Variants in SCAP observed in about 807,000 individuals in gnomAD.
SCAP encodes the protein SREBF chaperone.
SCAP carries 65 observed loss-of-function variants against 123.6 expected under a neutral mutation model. The observed-to-expected ratio is 0.53, with a 90% confidence interval of 0.43 to 0.65. The LOEUF is 0.65. Ranked by LOEUF, SCAP falls within the 30% of genes least tolerant of loss-of-function variation. The pLI, the probability that SCAP is intolerant of heterozygous loss-of-function variation, is 0.00. For missense variants in SCAP, 1,398 were observed against 1,712.5 expected, an observed-to-expected ratio of 0.82 and a Z score of 3.24; for synonymous variants, 740 against 726.3, an observed-to-expected ratio of 1.02 and a Z score of -0.30.
At position 47,420,698 on chromosome 3, in the gene SCAP, G is replaced by A. The variant is rs1380351099; in HGVS notation, c.1419C>T (p.Arg473=). The A allele has an allele frequency of 5.6e-6, 9 of 1,611,806 alleles. No individual in the cohort carries two copies. Among genetic ancestry groups the A allele is most frequent in the Non-Finnish European group, 6.8e-6 (8 of 1,179,960 alleles). ...PSAKPVGQPT[R]YERQLAVRPS... is the part of the protein sequence containing the mutation. Reference sequence around the variant, plus strand: ...GCCTCACAGCCAGCTGCCGCTCGTAGCGCGTTGGCTGTCCCACTGGCTTGG... The same window carrying A: ...GCCTCACAGCCAGCTGCCGCTCGTAACGCGTTGGCTGTCCCACTGGCTTGG... Residue 473 remains arginine (R), a synonymous_variant, in exon 12 of 23, where the codon CGC becomes CGT. Coordinates refer to ENST00000265565, the MANE Select transcript of SCAP (RefSeq NM_012235.4). The surrounding 1 kb of genome is among the most constrained non-coding windows in gnomAD (Gnocchi z 5.0).
At chr3:47,467,929 C>G (rs1707891814) in intron 1 of SCAP, among the ~76,000 whole-genome samples, 1 of 144,466 alleles carries the variant, frequency 6.9e-6, no homozygotes, top group African/African-American at 2.5e-5. Context: ...TCCAGGTGTT[C>G]TCATTGTTCA....
chr3:47,464,094 C>A (rs892833862), intron 1 of SCAP, among the ~76,000 whole-genome samples: 2 of 152,150 alleles, frequency 1.3e-5, no homozygotes, highest in Non-Finnish European at 2.9e-5. Context: ...CAGCTCACTG[C>A]AACCTCCGCC....
intron 1 of SCAP, among the ~76,000 whole-genome samples, chr3:47,472,138 T>C (rs542031291): frequency 2.7e-5 from 4 of 146,268 alleles, no homozygotes; most frequent in African/African-American, 1.0e-4. Flanking sequence ...AAAATAATAA[T>C]AATAATTAAA....
Position 47,463,902 on chromosome 3 carries a change from A to G in SCAP, c.-99+11897T>C, listed in dbSNP as rs6765597. On this transcript the variant is annotated intron_variant, in intron 1 of 22. Transcript: ENST00000265565. ...CACCCAGGCTGGATACAGTTGTACA[A>G]TCGTGGCTCACTGCGGTCTCAACCT... 3.9e-3 allele frequency among the ~76,000 whole-genome samples: 594 copies of G among 152,062 alleles called. 6 individuals are homozygous for G. Among genetic ancestry groups the G allele is most frequent in the African/African-American group, 0.014 (575 of 41,490 alleles).
upstream of SCAP, chr3:47,477,048 C>G (rs115332909): frequency 1.3e-5 from 2 of 152,322 alleles, no homozygotes; most frequent in African/African-American, 4.8e-5. Context: ...TAGAGGTGGC[C>G]CTTCTGACCG....
intron 1 of SCAP, among the ~76,000 whole-genome samples, chr3:47,452,500 G>A (rs1055228939): frequency 2.0e-5 from 3 of 152,196 alleles, no homozygotes; most frequent in African/African-American, 7.2e-5. Context: ...GGAAGAAAGA[G>A]AGCTAATAAT....
upstream of SCAP, chr3:47,475,960 T>G (rs1401761764): frequency 6.6e-6 from 1 of 152,354 alleles, no homozygotes. Context: ...ACCTCTCACC[T>G]CCTACCTTTA....
chr3:47,476,703 G>A (rs975083206), upstream of SCAP, among the ~76,000 whole-genome samples: 1 of 152,168 alleles, frequency 6.6e-6, no homozygotes, highest in African/African-American at 2.4e-5. Context: ...AAAATCCGAG[G>A]TAGGTCTTGT....
rs1245505802 is a variant in SCAP, at chr3:47,435,174, A to C, written c.123-37T>G. On this transcript the variant is annotated intron_variant, in intron 2 of 22. Coordinates refer to ENST00000265565, the MANE Select transcript of SCAP (RefSeq NM_012235.4). ...AAAAAGGAGATAAGAATTAGACACT[A>C]TGAGAGGCAGTCCTCTCTCAGCACT... 1.9e-6 allele frequency: 3 copies of C among 1,585,450 alleles called. No homozygotes were observed. The African/African-American group carries it at 4.0e-5, about 21-fold the overall frequency.
At chr3:47,461,491 G>A (rs1022976713) in intron 1 of SCAP, among the ~76,000 whole-genome samples, 8 of 152,144 alleles carry the variant, frequency 5.3e-5, no homozygotes, top group African/African-American at 1.9e-4. Context: ...TTGCCTTCCA[G>A]ACATTTATAG....
At chr3:47,440,030 G>A (rs1328160081) in intron 2 of SCAP, among the ~76,000 whole-genome samples, 1 of 152,178 alleles carries the variant, frequency 6.6e-6, no homozygotes, top group Non-Finnish European at 1.5e-5. Flanking sequence ...CCCCAGTACT[G>A]CTCTGTACTT....
chr3:47,418,017 G>T, intron 16 of SCAP, 117 bp downstream of exon 16: 2 of 640,536 alleles, frequency 3.1e-6, no homozygotes, highest in Non-Finnish European at 5.4e-6. Context: ...GGGGAGAGGG[G>T]GCCTGGAGGG....
chr3:47,434,377 C>G (rs1706485671), intron 3 of SCAP, among the ~76,000 whole-genome samples: 1 of 152,216 alleles, frequency 6.6e-6, no homozygotes, highest in Non-Finnish European at 1.5e-5. Flanking sequence ...CTTCAATGAG[C>G]TCCAAATAAT....
chr3:47,434,226 G>C (rs1036213498), intron 3 of SCAP, among the ~76,000 whole-genome samples: 2 of 152,182 alleles, frequency 1.3e-5, no homozygotes, highest in Non-Finnish European at 1.5e-5. Context: ...GGGGAGGAGA[G>C]CTCTGTTCGC....
intron 1 of SCAP, among the ~76,000 whole-genome samples, chr3:47,447,581 G>A (rs1204572600): frequency 6.6e-6 from 1 of 151,836 alleles, no homozygotes; most frequent in Non-Finnish European, 1.5e-5. Flanking sequence ...CCAGCTACTT[G>A]GGAGGCGGAG....
chr3:47,420,523 G>C lies in SCAP; in HGVS notation c.1563+31C>G. On this transcript the variant is annotated intron_variant, in intron 12 of 22. Transcript: ENST00000265565. The surrounding 1 kb of genome is among the most constrained non-coding windows in gnomAD (Gnocchi z 5.0). The stretch of plus-strand genomic sequence containing the variant: ...GGCCTGGAGCACCGGCCCTCCAGAA[G>C]AGGGCAGGGCAGGGCAGGGGTGGCA... 6.4e-7 allele frequency: 1 copy of C among 1,552,504 alleles called. No individual in the cohort carries two copies. The highest frequency in any genetic ancestry group is 1.2e-5 in the South Asian group (1 of 83,802).
At chr3:47,415,307 A>G (rs1705524300) in intron 18 of SCAP, 127 bp from the exon 19 acceptor site, 1 of 796,408 alleles carries the variant, frequency 1.3e-6, no homozygotes, top group East Asian at 2.8e-5. Context: ...AGAGGAAAGC[A>G]CATGGTGCCA....
chr3:47,415,158 C>A lies in SCAP; in HGVS notation c.3079G>T (p.Gly1027Cys). The A allele has an allele frequency of 6.2e-7, 1 of 1,612,144 alleles. No individual in the cohort carries two copies. Among genetic ancestry groups the A allele is most frequent in the Non-Finnish European group, 8.5e-7 (1 of 1,179,538 alleles). ...TCCAAGGAGAAGAAATCAAGGGAACCGTTGAGCCGTGCAGCCACAATCCTG... is the reference window on the plus strand; with the variant it reads ...TCCAAGGAGAAGAAATCAAGGGAACAGTTGAGCCGTGCAGCCACAATCCTG... The part of the protein sequence containing the change: ...DKRIVAARLN[G>C]SLDFFSLETH... Residue 1027 changes from glycine to cysteine, a missense_variant, in exon 19 of 23, where the codon GGT (glycine) becomes TGT (cysteine). This residue lies in a region of SCAP where 828 missense variants were observed against 882.5 expected (regional missense o/e 0.94). Transcript: ENST00000265565.
rs867407764 is a variant in SCAP, at chr3:47,474,629, C to T, written c.-99+1170G>A. On this transcript the variant is annotated intron_variant, in intron 1 of 22. Transcript: ENST00000265565. ...GGGCAACACAGCAAGACCCCCATCT[C>T]TACAAAAAAATACAAAAATTAGCCG... 1.6e-4 allele frequency among the ~76,000 whole-genome samples: 24 copies of T among 152,096 alleles called. No homozygotes were observed. The Middle Eastern group carries it at 0.014, about 86-fold the overall frequency.
Sources: gnomAD v4.1 joint callset for allele counts (sites outside exome capture counted in the v4.1 genomes callset) on GRCh38, gnomAD v4.1.1 for gene constraint, gnomAD v4.1.1 regional missense constraint, Gnocchi (gnomAD v3.1) non-coding constraint, MANE v1.5 for transcripts, NCBI Gene and HGNC (gene_info 2026-07-23, HGNC 2026-07-21) for gene names.